The following VPS13A variants were observed in gnomAD, a reference collection of about 807,000 sequenced individuals.
VPS13A encodes vacuolar protein sorting 13 homolog A.
VPS13A carries 264 observed loss-of-function variants against 390.9 expected under a neutral mutation model. The observed-to-expected ratio is 0.68, with a 90% CI of 0.61 to 0.75. VPS13A has a LOEUF of 0.75. Among genes scored for constraint, VPS13A ranks in the 30% least tolerant of loss-of-function variants. VPS13A has a pLI of 0.00. For synonymous variants in VPS13A, 1,231 were observed against 1,227.1 expected, an observed-to-expected ratio of 1.00 and a Z score of -0.07; for missense variants, 3,409 against 3,733.9, an observed-to-expected ratio of 0.91 and a Z score of 2.27.
chr9:77,294,751 C>T (rs1357452546), intron 32 of VPS13A, among the ~76,000 whole-genome samples: 1 of 152,160 alleles, frequency 6.6e-6, no homozygotes. Context: ...GCAGCCCAGA[C>T]TGGAGTGCAG....
Position 77,368,146 on chromosome 9 carries a change from A to C in VPS13A, c.8553+10A>C, listed in dbSNP as rs1219736086. On this transcript the variant is annotated intron_variant, in intron 62 of 71. Coordinates refer to ENST00000360280, the MANE Select transcript of VPS13A (RefSeq NM_033305.3). ...ACACTATTCAAAACAGGTTTGTCTA[A>C]GATTATATTACAGAGGGACAGAGTG... The C allele has an allele frequency of 1.9e-6, 3 of 1,605,088 alleles. No individual in the cohort carries two copies. The South Asian group carries it at 3.3e-5, about 18-fold the overall frequency.
intron 46 of VPS13A, among the ~76,000 whole-genome samples, chr9:77,334,657 C>G (rs1830447960): frequency 6.6e-6 from 1 of 152,146 alleles, no homozygotes; most frequent in Non-Finnish European, 1.5e-5. Context: ...TGATTATGAT[C>G]TTACTCATTT....
chr9:77,316,321 A>G lies in VPS13A; in HGVS notation c.4778A>G (p.Asn1593Ser), dbSNP rs1829386233. The G allele has an allele frequency of 6.2e-7, 1 of 1,613,350 alleles. No homozygotes were observed. The highest frequency in any genetic ancestry group is 1.1e-5 in the South Asian group (1 of 91,052). The change falls in exon 39 of 72, where the codon AAT (asparagine) becomes AGT (serine). Residue 1593 changes from asparagine to serine, a missense_variant. Coordinates refer to ENST00000360280, the MANE Select transcript of VPS13A (RefSeq NM_033305.3). ...CEICYKGNLE[N>S]STMTAAIKDL... ...ATTTGCTATAAAGGTAACCTTGAAA[A>G]TAGTACAATGACTGCTGCCATTAAA...
chr9:77,337,547 A>G lies in VPS13A; in HGVS notation c.6378+10A>G, dbSNP rs553943819. 3.1e-6 allele frequency: 5 copies of G among 1,607,772 alleles called. No individual in the cohort carries two copies. The highest frequency in any genetic ancestry group is 2.2e-5 in the East Asian group (1 of 44,726). On this transcript the variant is annotated intron_variant, in intron 47 of 71. Coordinates refer to ENST00000360280, the MANE Select transcript of VPS13A (RefSeq NM_033305.3). ...TGCTTATTATATAGAGGTATCGGCAAACTGATTTAGTGCCTTCCTGTTTTT... is the reference window on the plus strand; with the variant it reads ...TGCTTATTATATAGAGGTATCGGCAGACTGATTTAGTGCCTTCCTGTTTTT...
At chr9:77,362,857 A>G (rs138233891) in intron 59 of VPS13A, among the ~76,000 whole-genome samples, 127 of 151,612 alleles carry the variant, frequency 8.4e-4, no homozygotes, top group African/African-American at 2.8e-3. Flanking sequence ...CCTATGTATT[A>G]TATTCTTCTT....
At chr9:77,201,342 G>A (rs773748695) in intron 2 of VPS13A, 23 bp from the exon 3 acceptor site, 1 of 1,535,030 alleles carries the variant, frequency 6.5e-7, no homozygotes, top group South Asian at 1.1e-5. Context: ...AATGTTTTGT[G>A]TATATATAAA....
At chr9:77,186,133 A>C in intron 1 of VPS13A, among the ~76,000 whole-genome samples, 1 of 152,212 alleles carries the variant, frequency 6.6e-6, no homozygotes, top group East Asian at 1.9e-4. Flanking sequence ...ACACAAAAAC[A>C]AAAATCCCAC....
chr9:77,337,481 T>A lies in VPS13A; in HGVS notation c.6322T>A (p.Trp2108Arg), dbSNP rs1388804842. The A allele has an allele frequency of 6.2e-7, 1 of 1,613,694 alleles. No individual in the cohort carries two copies. Among genetic ancestry groups the A allele is most frequent in the Non-Finnish European group, 8.5e-7 (1 of 1,179,826 alleles). The part of the protein sequence containing the change: ...GWDLPYIMHL[W>R]PPILLRNLLP... Reference sequence around the variant, plus strand: ...GGATTTACCATACATAATGCATTTGTGGCCACCTATCCTGCTCCGAAATCT... The same window carrying A: ...GGATTTACCATACATAATGCATTTGAGGCCACCTATCCTGCTCCGAAATCT... The change falls in exon 47 of 72, where the codon TGG becomes AGG. Residue 2108 changes from tryptophan (W) to arginine (R), a missense_variant. Physicochemically the swap from Trp to Arg is moderately radical, Grantham distance 101. Coordinates refer to ENST00000360280, the MANE Select transcript of VPS13A (RefSeq NM_033305.3).
rs973651394 is a variant in VPS13A at position 77,382,367 on chromosome 9, G to A, written c.9189+280G>A. 2.6e-5 allele frequency: 39 copies of A among 1,499,416 alleles called. 1 individual carries two copies. The highest frequency in any genetic ancestry group is 2.4e-4 in the African/African-American group (17 of 70,442). The allele number at this position is 1,499,416 out of a possible 1,614,324, so 92.9% of individuals were successfully genotyped here. ...TTTAGTCTTAAAATTTACAAACTAC[G>A]TACAGCTGTTTCAGTATTTTGAATA... On this transcript the variant is annotated intron_variant, in intron 68 of 71. Transcript: ENST00000360280.
chr9:77,305,827 CTT>C (rs1442043822), intron 34 of VPS13A, among the ~76,000 whole-genome samples: 1 of 152,190 alleles, frequency 6.6e-6, no homozygotes, highest in Non-Finnish European at 1.5e-5. Flanking sequence ...TGATTTCTGA[CTT>C]GTCAGATTTT....
intron 13 of VPS13A, 143 bp downstream of exon 13, chr9:77,221,499 C>G (rs1823212047): frequency 1.2e-6 from 1 of 854,908 alleles, no homozygotes; most frequent in Admixed American, 2.7e-5. Flanking sequence ...TGCTTCTGTT[C>G]TTAACTTCAG....
intron 69 of VPS13A, among the ~76,000 whole-genome samples, chr9:77,404,972 C>A (rs1355722730): frequency 5.9e-5 from 9 of 151,822 alleles, no homozygotes; most frequent in Non-Finnish European, 4.4e-5. Flanking sequence ...CCTTTTCCAT[C>A]CTAGCCAGGA....
At chr9:77,239,731 T>C (rs566490867) in intron 19 of VPS13A, among the ~76,000 whole-genome samples, 15 of 152,066 alleles carry the variant, frequency 9.9e-5, no homozygotes, top group Non-Finnish European at 1.9e-4. Context: ...TTTAGGCTTA[T>C]GTCTAACATC....
chr9:77,385,101 A>G, intron 68 of VPS13A: 1 of 987,802 alleles, frequency 1.0e-6, no homozygotes. Flanking sequence ...AAGGAAGAAA[A>G]TAGTAATAGC....
At chr9:77,382,136 A>G in intron 68 of VPS13A, 49 bp downstream of exon 68, 1 of 1,497,110 alleles carries the variant, frequency 6.7e-7, no homozygotes, top group Non-Finnish European at 9.1e-7. Flanking sequence ...GTCAAGTTAG[A>G]TTTTTTTTAA....
At chr9:77,287,169 A>G (rs901091950) in intron 31 of VPS13A, among the ~76,000 whole-genome samples, 1 of 148,282 alleles carries the variant, frequency 6.7e-6, no homozygotes, top group African/African-American at 2.4e-5. Context: ...TAAATAAATT[A>G]AGAAAAAACT....
chr9:77,236,413 A>T (rs1444165930), intron 17 of VPS13A, among the ~76,000 whole-genome samples: 1 of 152,086 alleles, frequency 6.6e-6, no homozygotes, highest in Non-Finnish European at 1.5e-5. Flanking sequence ...TTAAAACTTG[A>T]TGTTTTGAGT....
chr9:77,323,338 A>T, intron 45 of VPS13A, 111 bp downstream of exon 45: 1 of 1,288,598 alleles, frequency 7.8e-7, no homozygotes, highest in Non-Finnish European at 1.1e-6. Context: ...CGTAACAGTA[A>T]TACAGCTGAT....
In VPS13A at chr9:77,405,928, G is replaced by A; in HGVS notation, c.9340G>A (p.Asp3114Asn). 1 of 1,613,898 alleles carries A rather than the reference G, an allele frequency of 6.2e-7. No homozygotes were observed. The highest frequency in any genetic ancestry group is 2.2e-5 in the East Asian group (1 of 44,854). ...CACGTGTGAGTGGCAGTATAGTTTTGATGAATTTACCAAAGAGCCATTCAT... is the reference window on the plus strand; with the variant it reads ...CACGTGTGAGTGGCAGTATAGTTTTAATGAATTTACCAAAGAGCCATTCAT... ...QLTCEWQYSF[D>N]EFTKEPFIVH... Residue 3114 changes from aspartate (D) to asparagine (N), a missense_variant, in exon 70 of 72, where the codon GAT becomes AAT. By Grantham distance (23) the Asp-to-Asn change is conservative (BLOSUM62 1). This residue lies in a region of VPS13A where 318 missense variants were observed against 333.7 expected (regional missense o/e 0.95). Transcript: ENST00000360280.
Sources: gnomAD v4.1 joint callset for allele counts (sites outside exome capture counted in the v4.1 genomes callset) on GRCh38, gnomAD v4.1.1 for gene constraint, gnomAD v4.1.1 regional missense constraint, MANE v1.5 for transcripts, NCBI Gene and HGNC (gene_info 2026-07-23, HGNC 2026-07-21) for gene names.